The following PARG variants were observed in gnomAD, a reference collection of about 807,000 sequenced individuals.
PARG encodes poly(ADP-ribose) glycohydrolase, also known as mitochondrial poly(ADP-ribose) glycohydrolase.
PARG carries 35 observed loss-of-function variants against 113.0 expected under a neutral mutation model. The observed-to-expected ratio is 0.31, with a 90% CI of 0.24 to 0.41. The LOEUF (loss-of-function observed/expected upper bound fraction) is 0.41, where lower values mean the gene tolerates loss of function less well. PARG is among the 10% of genes least tolerant of loss of function. PARG has a pLI of 1.00. For missense variants in PARG, 797 were observed against 1,169.4 expected (o/e 0.68, Z 4.64); for synonymous variants, 330 against 409.9 (o/e 0.81, Z 2.36).
chr10:49,819,257 A>T lies in PARG; in HGVS notation c.*83T>A. The T allele has an allele frequency of 9.1e-7, 1 of 1,095,416 alleles. No individual in the cohort carries two copies. Among genetic ancestry groups the T allele is most frequent in the Non-Finnish European group, 1.3e-6 (1 of 764,290 alleles). The allele number at this position is 1,095,416 out of a possible 1,614,324, so 67.9% of individuals were successfully genotyped here. ...ATTATGTACACATTTATATTAACTT[A>T]AGTCAATTCATATATTACACCTGAC... On this transcript the variant is annotated 3_prime_UTR_variant, in exon 18 of 18. Coordinates refer to ENST00000616448, the MANE Select transcript of PARG (RefSeq NM_003631.5).
chr10:49,838,906 A>G (rs1845085743), intron 15 of PARG, among the ~76,000 whole-genome samples: 1 of 152,214 alleles, frequency 6.6e-6, no homozygotes, highest in Non-Finnish European at 1.5e-5. Flanking sequence ...TTGACACTCA[A>G]CTTACTAGGC....
chr10:49,829,720 C>A (rs557201741), intron 16 of PARG, among the ~76,000 whole-genome samples: 1 of 152,258 alleles, frequency 6.6e-6, no homozygotes, highest in South Asian at 2.1e-4. Flanking sequence ...GGCACGTAAA[C>A]AGATGAACAT....
At chr10:49,825,231 C>T (rs1185655950) in intron 16 of PARG, among the ~76,000 whole-genome samples, 1 of 152,128 alleles carries the variant, frequency 6.6e-6, no homozygotes, top group South Asian at 2.1e-4. Flanking sequence ...TTGACACTCC[C>T]TCCTTTTCCA....
At position 49,883,738 on chromosome 10, in the gene PARG, T is replaced by C. The variant is rs1342074810; in HGVS notation, c.1830+1465A>G. 6.2e-4 allele frequency among the ~76,000 whole-genome samples: 93 copies of C among 151,120 alleles called. 2 individuals carry two copies. Among genetic ancestry groups the C allele is most frequent in the South Asian group, 3.2e-3 (15 of 4,728 alleles). On this transcript the variant is annotated intron_variant, in intron 8 of 17. Transcript: ENST00000616448. The stretch of plus-strand genomic sequence containing the variant: ...ATCACTTGAACCCAGGAGGCAGAGG[T>C]TGCAGTGAGCCAAGATCATGCCACT...
intron 10 of PARG, among the ~76,000 whole-genome samples, chr10:49,867,918 A>C (rs1846598466): frequency 6.6e-6 from 1 of 152,210 alleles, no homozygotes; most frequent in South Asian, 2.1e-4. Flanking sequence ...AACTCAAAGT[A>C]CTGTAAAAAC....
chr10:49,842,876 T>C (rs1554832625), intron 14 of PARG, among the ~76,000 whole-genome samples: 1 of 152,166 alleles, frequency 6.6e-6, no homozygotes, highest in African/African-American at 2.4e-5. Flanking sequence ...GAGGATGGAC[T>C]TGAGACATTA....
chr10:49,819,185 C>T lies in PARG; in HGVS notation c.*155G>A. ...GAGGGAGTTTAGATGTACCAACTGA[C>T]AACTGCACATGTGTGGAAGAGATTG... On this transcript the variant is annotated 3_prime_UTR_variant, in exon 18 of 18. Coordinates refer to ENST00000616448, the MANE Select transcript of PARG (RefSeq NM_003631.5). The T allele has an allele frequency of 1.8e-6, 1 of 567,176 alleles. No homozygotes were observed. Among genetic ancestry groups the T allele is most frequent in the South Asian group, 2.9e-5 (1 of 34,870 alleles). 35.1% of individuals were successfully genotyped at this position (567,176 alleles called of 1,614,324 possible). A position where few individuals can be genotyped will look rare whatever the true frequency, so the allele number is the denominator to read the frequency against.
At position 49,941,907 on chromosome 10, in the gene PARG, T is replaced by G. The variant is rs1404272446; in HGVS notation, c.-182A>C. 4 of 1,178,542 alleles carry G rather than the reference T, an allele frequency of 3.4e-6. No homozygotes were observed. Among genetic ancestry groups the G allele is most frequent in the African/African-American group, 1.5e-5 (1 of 66,312 alleles). The allele number at this position is 1,178,542 out of a possible 1,614,324, so 73.0% of individuals were successfully genotyped here. A position where few individuals can be genotyped will look rare whatever the true frequency, so the allele number is the denominator to read the frequency against. Reference sequence around the variant, plus strand: ...CCAAGTCAGGCCGTAAACACTCGCCTGCCTTCCCTCTTCCACTGGCACCCC... The same window carrying G: ...CCAAGTCAGGCCGTAAACACTCGCCGGCCTTCCCTCTTCCACTGGCACCCC... On this transcript the variant is annotated 5_prime_UTR_variant, in exon 1 of 18. Coordinates refer to ENST00000616448, the MANE Select transcript of PARG (RefSeq NM_003631.5).
intron 7 of PARG, among the ~76,000 whole-genome samples, chr10:49,894,556 T>C (rs1847982883): frequency 1.3e-5 from 2 of 152,172 alleles, no homozygotes; most frequent in Admixed American, 6.5e-5. Flanking sequence ...ATGTATAGTA[T>C]GTGGGAAGGG....
At chr10:49,828,096 A>AAAAC (rs1844455833) in intron 16 of PARG, among the ~76,000 whole-genome samples, 1 of 140,554 alleles carries the variant, frequency 7.1e-6, no homozygotes, top group Non-Finnish European at 1.5e-5. Flanking sequence ...CTTAAACAAA[A>AAAAC]AAAAAAAAAA....
Position 49,837,313 on chromosome 10 carries a change from G to A in PARG, c.2542-4405C>T, listed in dbSNP as rs373959976. Among the ~76,000 whole-genome samples, 3 of 151,742 alleles carry A rather than the reference G, an allele frequency of 2.0e-5. No individual in the cohort carries two copies. In the South Asian group the frequency reaches 6.2e-4, roughly 32 times the overall value. ...TCAGAGATCCATACTGAATTCTGAC[G>A]GTGAAAACTGGTTTTACTTTTTCGC... is the stretch of plus-strand genomic sequence containing the variant. On this transcript the variant is annotated intron_variant, in intron 15 of 17. Coordinates refer to ENST00000616448, the MANE Select transcript of PARG (RefSeq NM_003631.5).
At position 49,885,314 on chromosome 10, in the gene PARG, A is replaced by T; in HGVS notation, c.1738-19T>A. On this transcript the variant is annotated intron_variant, in intron 7 of 17. Coordinates refer to ENST00000616448, the MANE Select transcript of PARG (RefSeq NM_003631.5). ...CAAGTACCTGAAAACCAATAAAATA[A>T]GTTATGTGAATAACAATAACCAGTA... The T allele has an allele frequency of 7.0e-7, 1 of 1,419,144 alleles. No individual in the cohort carries two copies. The highest frequency in any genetic ancestry group is 1.4e-5 in the African/African-American group (1 of 71,202). 87.9% of individuals were successfully genotyped at this position (1,419,144 alleles called of 1,614,324 possible).
At chr10:49,824,306 A>G (rs1212639217) in intron 16 of PARG, among the ~76,000 whole-genome samples, 2 of 150,384 alleles carry the variant, frequency 1.3e-5, no homozygotes, top group African/African-American at 4.9e-5. Context: ...GATCTTTGCA[A>G]ATCTACACAA....
At chr10:49,919,430 C>T (rs1242658811) in intron 6 of PARG, among the ~76,000 whole-genome samples, 3 of 152,162 alleles carry the variant, frequency 2.0e-5, no homozygotes, top group South Asian at 2.1e-4. Flanking sequence ...AATAACAACA[C>T]GCTGTACGAA....
chr10:49,836,496 A>C (rs969721803), intron 15 of PARG, among the ~76,000 whole-genome samples: 1 of 151,948 alleles, frequency 6.6e-6, no homozygotes, highest in South Asian at 2.1e-4. Context: ...TCTAAAATGC[A>C]ATATATAAAA....
rs1838608687 is a variant in PARG at position 49,933,753 on chromosome 10, T to C, written c.695A>G (p.Lys232Arg). The change falls in exon 3 of 18, where the codon AAA becomes AGA. Residue 232 changes from lysine (K) to arginine (R), a missense_variant. Physicochemically the swap from Lys to Arg is conservative, Grantham distance 26. This residue lies in a region of PARG where 284 missense variants were observed against 306.1 expected (regional missense o/e 0.93). Coordinates refer to ENST00000616448, the MANE Select transcript of PARG (RefSeq NM_003631.5). Reference sequence around the variant, plus strand: ...AGACTTGCTGCACTTCTGGTGGCTTTTGGCTTCTCTGGCCTGTTCATCTTC... The same window carrying C: ...AGACTTGCTGCACTTCTGGTGGCTTCTGGCTTCTCTGGCCTGTTCATCTTC... ...TTEDEQAREA[K>R]SHQKCSKSCD... The C allele has an allele frequency of 6.2e-7, 1 of 1,613,416 alleles. No individual in the cohort carries two copies. Among genetic ancestry groups the C allele is most frequent in the East Asian group, 2.2e-5 (1 of 44,882 alleles).
At chr10:49,864,302 T>G (rs1319506426) in intron 11 of PARG, among the ~76,000 whole-genome samples, 4 of 151,732 alleles carry the variant, frequency 2.6e-5, no homozygotes, top group Non-Finnish European at 5.9e-5. Context: ...ACCTTTTATC[T>G]ACTTCCCTCT....
At chr10:49,839,426 G>T (rs1164848518) in intron 15 of PARG, among the ~76,000 whole-genome samples, 1 of 151,950 alleles carries the variant, frequency 6.6e-6, no homozygotes, top group East Asian at 1.9e-4. Context: ...ACTGACTGCC[G>T]CCAACTCCTA....
At chr10:49,869,939 CA>C (rs1554837607) in intron 9 of PARG, among the ~76,000 whole-genome samples, 2 of 151,904 alleles carry the variant, frequency 1.3e-5, no homozygotes, top group African/African-American at 4.8e-5. Flanking sequence ...TGATAAGTAA[CA>C]AAAACGGTAT....
Sources: gnomAD v4.1 joint callset for allele counts (sites outside exome capture counted in the v4.1 genomes callset) on GRCh38, gnomAD v4.1.1 for gene constraint, gnomAD v4.1.1 regional missense constraint, MANE v1.5 for transcripts, NCBI Gene and HGNC (gene_info 2026-07-23, HGNC 2026-07-21) for gene names.